ITGA2: variants seen among roughly 807,000 people sequenced by gnomAD.
The protein encoded by ITGA2 is integrin alpha-2.
A neutral mutation model predicts 146.3 loss-of-function variants in ITGA2; 101 were observed. The ratio of observed to expected loss-of-function variants is 0.69; its 90% confidence interval spans 0.59 to 0.81. The LOEUF (loss-of-function observed/expected upper bound fraction) is 0.81, where lower values mean the gene tolerates loss of function less well. Among genes scored for constraint, ITGA2 ranks in the 40% least tolerant of loss-of-function variants. The pLI is 0.00. For missense variants in ITGA2, 1,281 were observed against 1,402.7 expected, an observed-to-expected ratio of 0.91 and a Z score of 1.39; for synonymous variants, 477 against 487.1, an observed-to-expected ratio of 0.98 and a Z score of 0.27.
intron 9 of ITGA2, among the ~76,000 whole-genome samples, chr5:53,057,293 A>G (rs1052667787): frequency 2.6e-5 from 4 of 152,024 alleles, no homozygotes; most frequent in African/African-American, 9.7e-5. Context: ...TCTTCTAAAT[A>G]AGACTATGTT....
At chr5:53,074,177 G>A (rs1745541833) in intron 20 of ITGA2, among the ~76,000 whole-genome samples, 1 of 151,948 alleles carries the variant, frequency 6.6e-6, no homozygotes, top group East Asian at 1.9e-4. Flanking sequence ...TTTGTTGGAT[G>A]TTCTAGGTAT....
intron 19 of ITGA2, 143 bp from the exon 20 acceptor site, chr5:53,072,975 C>A: frequency 1.2e-6 from 1 of 819,202 alleles, no homozygotes; most frequent in Non-Finnish European, 2.0e-6. Flanking sequence ...CATTTTGATG[C>A]AAAGATAGTT....
intron 1 of ITGA2, among the ~76,000 whole-genome samples, chr5:52,996,074 A>C (rs577329514): frequency 6.6e-6 from 1 of 152,314 alleles, no homozygotes; most frequent in African/African-American, 2.4e-5. Flanking sequence ...CGGCCAGAGG[A>C]GTAATGGAAG....
chr5:53,042,769 G>A (rs558582559), intron 3 of ITGA2, among the ~76,000 whole-genome samples: 1 of 152,236 alleles, frequency 6.6e-6, no homozygotes, highest in South Asian at 2.1e-4. Flanking sequence ...AGCTAAATGA[G>A]TGACATTTCC....
chr5:53,019,018 C>T (rs950742744), intron 1 of ITGA2, among the ~76,000 whole-genome samples: 3 of 151,892 alleles, frequency 2.0e-5, no homozygotes, highest in Non-Finnish European at 2.9e-5. Context: ...GAGCGGAGAT[C>T]GTGCCATTGC....
chr5:53,009,508 C>G (rs1005730953), intron 1 of ITGA2, among the ~76,000 whole-genome samples: 1 of 152,072 alleles, frequency 6.6e-6, no homozygotes, highest in Non-Finnish European at 1.5e-5. Context: ...AAGTGAGGAA[C>G]TTGGATATTT....
intron 4 of ITGA2, among the ~76,000 whole-genome samples, chr5:53,045,375 T>C (rs1187848028): frequency 6.6e-6 from 1 of 152,200 alleles, no homozygotes; most frequent in Non-Finnish European, 1.5e-5. Flanking sequence ...TATTTGTTGA[T>C]AACAGCAGAA....
At chr5:53,055,477 A>C (rs1033206155) in intron 7 of ITGA2, 61 bp from the exon 8 acceptor site, 1 of 1,473,430 alleles carries the variant, frequency 6.8e-7, no homozygotes. Context: ...TTTAAACCAG[A>C]GGTTCTCATA....
chr5:53,039,859 TG>T (rs1234570642), intron 2 of ITGA2, among the ~76,000 whole-genome samples: 3 of 152,120 alleles, frequency 2.0e-5, no homozygotes, highest in Non-Finnish European at 4.4e-5. Context: ...CATTTGCTGT[TG>T]TTTTTTTTAA....
intron 17 of ITGA2, 38 bp from the exon 18 acceptor site, chr5:53,071,900 C>G (rs757908391): frequency 2.1e-6 from 3 of 1,452,104 alleles, no homozygotes; most frequent in Non-Finnish European, 1.9e-6. Flanking sequence ...TAAACTGACT[C>G]TGTCTCCCCC....
intron 1 of ITGA2, among the ~76,000 whole-genome samples, chr5:52,994,143 G>A (rs1210830330): frequency 6.6e-6 from 1 of 152,122 alleles, no homozygotes; most frequent in Non-Finnish European, 1.5e-5. Flanking sequence ...ACTAATACTT[G>A]ATAATATTCT....
intron 4 of ITGA2, among the ~76,000 whole-genome samples, chr5:53,046,136 A>G (rs12657972): frequency 0.28 from 40,816 of 147,910 alleles, 5,681 homozygotes; most frequent in Admixed American, 0.33. Context: ...AGTTGCATGC[A>G]CTGAGCCGAG....
At chr5:53,007,777 A>G (rs1483564768) in intron 1 of ITGA2, among the ~76,000 whole-genome samples, 2 of 152,152 alleles carry the variant, frequency 1.3e-5, no homozygotes, top group African/African-American at 4.8e-5. Context: ...CATTAGAGGC[A>G]ATTGCAATGG....
chr5:53,074,623 TG>T (rs1209114483), intron 21 of ITGA2, 146 bp downstream of exon 21: 1 of 711,184 alleles, frequency 1.4e-6, no homozygotes, highest in Admixed American at 2.1e-5. Flanking sequence ...AATATCTAAA[TG>T]TTTTCTTTAA....
At chr5:53,086,404 C>A (rs2112039965) in intron 27 of ITGA2, among the ~76,000 whole-genome samples, 1 of 152,248 alleles carries the variant, frequency 6.6e-6, no homozygotes, top group South Asian at 2.1e-4. Context: ...GGTTCAGGGC[C>A]ATGGGTGGTC....
intron 1 of ITGA2, 120 bp from the exon 2 acceptor site, chr5:53,026,628 C>A: frequency 1.1e-6 from 1 of 890,974 alleles, no homozygotes; most frequent in South Asian, 1.5e-5. Context: ...TCTGGGTAAA[C>A]GTTGATAAGT....
In ITGA2 at chr5:53,077,304, T is replaced by C. The variant is rs1579898422; in HGVS notation, c.2826-1468T>C. On this transcript the variant is annotated intron_variant, in intron 23 of 29. Transcript: ENST00000296585. ...AAATAACAAACATCTTTGCAAACTT[T>C]TGGAAAAAATCCTACACAATAACTT... Among the ~76,000 whole-genome samples, 4 of 152,178 alleles carry C rather than the reference T, an allele frequency of 2.6e-5. No individual in the cohort carries two copies. In the South Asian group the frequency reaches 8.3e-4, roughly 32 times the overall value.
chr5:53,006,606 T>C (rs1466485206), intron 1 of ITGA2, among the ~76,000 whole-genome samples: 1 of 152,230 alleles, frequency 6.6e-6, no homozygotes, highest in Non-Finnish European at 1.5e-5. Flanking sequence ...GTAATTATTA[T>C]TGAACCACGA....
At chr5:53,051,626 G>A in intron 7 of ITGA2, 67 bp downstream of exon 7, 7 of 1,451,700 alleles carry the variant, frequency 4.8e-6, no homozygotes, top group Non-Finnish European at 5.8e-6. Flanking sequence ...TAATAAATAT[G>A]AAAAAGTAAG....
Sources: gnomAD v4.1 joint callset for allele counts (sites outside exome capture counted in the v4.1 genomes callset) on GRCh38, gnomAD v4.1.1 for gene constraint, MANE v1.5 for transcripts, NCBI Gene and HGNC (gene_info 2026-07-23, HGNC 2026-07-21) for gene names.